CABIN1: variants seen among roughly 807,000 people sequenced by gnomAD.
The protein encoded by CABIN1 is calcineurin binding protein 1.
Under a neutral mutation model 227.7 loss-of-function variants are expected in CABIN1, and 133 were observed. The ratio of observed to expected loss-of-function variants is 0.58; its 90% CI spans 0.51 to 0.67. CABIN1 has a LOEUF of 0.67. CABIN1 is among the 30% of genes least tolerant of loss of function. The pLI is 0.00. For synonymous variants in CABIN1, 1,086 were observed against 1,155.1 expected (o/e 0.94, Z 1.21); for missense variants, 2,408 against 2,852.5 (o/e 0.84, Z 3.55).
intron 1 of CABIN1, among the ~76,000 whole-genome samples, chr22:24,020,047 T>C (rs1015524720): frequency 4.6e-5 from 7 of 152,170 alleles, no homozygotes; most frequent in African/African-American, 1.7e-4. Flanking sequence ...ATAGTGGACA[T>C]TTTTGCTTTG....
chr22:24,060,224 G>A, intron 12 of CABIN1, 83 bp downstream of exon 12: 4 of 1,323,654 alleles, frequency 3.0e-6, no homozygotes, highest in Non-Finnish European at 4.3e-6. Context: ...TGGGGCTGCT[G>A]TTGTGTTTGG....
In CABIN1 at chr22:24,119,433, C is replaced by T. The variant is rs368463098; in HGVS notation, c.4367C>T (p.Pro1456Leu). 3 of 1,614,006 alleles carry T rather than the reference C, an allele frequency of 1.9e-6. No individual in the cohort carries two copies. The African/African-American group carries it at 4.0e-5, about 22-fold the overall frequency. ...FRAAEQGVQK[P>L]AAETPASACI... ...GCTGCAGAGCAAGGTGTCCAGAAGC[C>T]TGCTGCAGAAACCCCAGCCTCTGCT... The change falls in exon 28 of 37, where the codon CCT becomes CTT. Residue 1456 changes from proline to leucine, a missense_variant. Pro to Leu is a moderately conservative substitution (Grantham distance 98). Around this residue, in one of 3 missense-constraint regions of CABIN1, gnomAD observed 649 missense variants for 910.3 expected, o/e 0.71. Coordinates refer to ENST00000263119, the MANE Select transcript of CABIN1 (RefSeq NM_012295.4).
chr22:24,128,795 C>T (rs1367308682), intron 28 of CABIN1, among the ~76,000 whole-genome samples: 1 of 152,218 alleles, frequency 6.6e-6, no homozygotes, highest in Non-Finnish European at 1.5e-5. Flanking sequence ...TTCCTGGCAG[C>T]CCTGTGGAGC....
At chr22:24,164,288 G>A in intron 29 of CABIN1, 112 bp from the exon 30 acceptor site, 1 of 1,334,240 alleles carries the variant, frequency 7.5e-7, no homozygotes, top group Non-Finnish European at 1.1e-6. Context: ...GCCCCTGGCT[G>A]GGCAGTGTCC....
chr22:24,039,681 A>G (rs1348613212), intron 4 of CABIN1, among the ~76,000 whole-genome samples: 1 of 152,218 alleles, frequency 6.6e-6, no homozygotes, highest in African/African-American at 2.4e-5. Flanking sequence ...GGGCACGGTC[A>G]TGTGTCAGCC....
chr22:24,081,995 C>G (rs1321043007), intron 19 of CABIN1, among the ~76,000 whole-genome samples: 2 of 152,112 alleles, frequency 1.3e-5, no homozygotes, highest in South Asian at 2.1e-4. Flanking sequence ...CCACTGCACT[C>G]CAGCCTGGGC....
chr22:24,050,499 A>AT (rs2038239459), intron 7 of CABIN1, among the ~76,000 whole-genome samples: 1 of 152,122 alleles, frequency 6.6e-6, no homozygotes, highest in Non-Finnish European at 1.5e-5. Context: ...TTCTTTTAAG[A>AT]TTTTCTAATA....
intron 15 of CABIN1, among the ~76,000 whole-genome samples, chr22:24,066,696 C>T (rs181791688): frequency 6.6e-6 from 1 of 152,362 alleles, no homozygotes; most frequent in East Asian, 1.9e-4. Flanking sequence ...GGCTGTCCAG[C>T]TATCTTGGTG....
chr22:24,067,597 GA>G (rs1423759151), intron 16 of CABIN1, among the ~76,000 whole-genome samples: 1 of 152,214 alleles, frequency 6.6e-6, no homozygotes, highest in East Asian at 1.9e-4. Flanking sequence ...ATGTGTTGAA[GA>G]AAAATAACAC....
chr22:24,048,607 G>T (rs1354688018), intron 6 of CABIN1, among the ~76,000 whole-genome samples: 1 of 152,136 alleles, frequency 6.6e-6, no homozygotes, highest in Non-Finnish European at 1.5e-5. Context: ...TTTTTGTAGA[G>T]ATGGGGTTTC....
Position 24,061,975 on chromosome 22 carries a change from T to G in CABIN1, c.1646T>G (p.Met549Arg). Residue 549 changes from methionine to arginine, a missense_variant, in exon 13 of 37, where the codon ATG (methionine) becomes AGG (arginine). Transcript: ENST00000263119. ...KDMMLMSLSC[M>R]ELQLDQWLLT... ...ATGATGCTGATGTCTCTCTCCTGCATGGAACTCCAGCTGGACCAGTGGCTG... is the reference window on the plus strand; with the variant it reads ...ATGATGCTGATGTCTCTCTCCTGCAGGGAACTCCAGCTGGACCAGTGGCTG... 6.2e-7 allele frequency: 1 copy of G among 1,614,112 alleles called. No homozygotes were observed. Among genetic ancestry groups the G allele is most frequent in the South Asian group, 1.1e-5 (1 of 91,090 alleles).
At chr22:24,132,814 C>G (rs1250009569) in intron 28 of CABIN1, among the ~76,000 whole-genome samples, 1 of 152,172 alleles carries the variant, frequency 6.6e-6, no homozygotes, top group African/African-American at 2.4e-5. Flanking sequence ...TCTCGAACTC[C>G]CGATCTCAGG....
chr22:24,060,244 C>T, intron 12 of CABIN1, 103 bp downstream of exon 12: 4 of 1,146,204 alleles, frequency 3.5e-6, no homozygotes, highest in Middle Eastern at 2.8e-4. Context: ...GCTGCATCTA[C>T]TTGTGGGCCT....
At chr22:24,148,275 C>G (rs987028826) in intron 29 of CABIN1, among the ~76,000 whole-genome samples, 1 of 152,218 alleles carries the variant, frequency 6.6e-6, no homozygotes, top group Non-Finnish European at 1.5e-5. Flanking sequence ...AAGAGTGTGT[C>G]TTTATGGCAG....
intron 6 of CABIN1, among the ~76,000 whole-genome samples, chr22:24,047,199 C>T (rs2037958027): frequency 6.6e-6 from 1 of 152,054 alleles, no homozygotes; most frequent in Admixed American, 6.5e-5. Context: ...CCTGTGAGAG[C>T]CCTGATAGAT....
intron 29 of CABIN1, among the ~76,000 whole-genome samples, chr22:24,138,208 T>C (rs1279005721): frequency 6.6e-6 from 1 of 152,194 alleles, no homozygotes; most frequent in East Asian, 1.9e-4. Context: ...TTTTCCTTTG[T>C]TCTCACACCA....
chr22:24,159,310 A>C (rs2046015504), intron 29 of CABIN1, among the ~76,000 whole-genome samples: 1 of 152,246 alleles, frequency 6.6e-6, no homozygotes, highest in Non-Finnish European at 1.5e-5. Context: ...CTGACGTCAG[A>C]AGCTGGGGGC....
intron 10 of CABIN1, among the ~76,000 whole-genome samples, chr22:24,057,033 T>C (rs961487463): frequency 3.9e-5 from 6 of 151,948 alleles, no homozygotes; most frequent in Admixed American, 1.3e-4. Flanking sequence ...ACCTCCCGGG[T>C]TCATGCCATT....
Position 24,174,287 on chromosome 22 carries a change from C to G in CABIN1, c.6041-1824C>G, listed in dbSNP as rs185201637. Among the ~76,000 whole-genome samples the G allele has an allele frequency of 4.8e-4, 72 of 151,266 alleles. 3 individuals carry two copies. In the East Asian group the frequency reaches 0.013, roughly 28 times the overall value. On this transcript the variant is annotated intron_variant, in intron 34 of 36. Coordinates refer to ENST00000263119, the MANE Select transcript of CABIN1 (RefSeq NM_012295.4). ...GAGACTACAAGCATGGGCCACTACG[C>G]CTGGGTAATTTTTGTATTTTTTGTA... is the stretch of plus-strand genomic sequence containing the variant.
Sources: allele counts gnomAD v4.1 joint callset (sites outside exome capture counted in the v4.1 genomes callset), GRCh38; gene constraint gnomAD v4.1.1; regional missense constraint gnomAD v4.1.1; transcripts MANE v1.5; gene names NCBI Gene and HGNC (gene_info 2026-07-23, HGNC 2026-07-21).